Variants in DCP1B observed in about 807,000 individuals in gnomAD.
The protein encoded by DCP1B is decapping mRNA 1B, also known as mRNA-decapping enzyme 1B.
DCP1B carries 47 observed loss-of-function variants against 60.5 expected under a neutral mutation model. The ratio of observed to expected loss-of-function variants is 0.78; its 90% CI spans 0.61 to 0.99. The LOEUF is 0.99. Ranked by LOEUF, DCP1B falls within the 50% of genes least tolerant of loss-of-function variation. DCP1B has a pLI of 0.00. For synonymous variants in DCP1B, 267 were observed against 280.3 expected (o/e 0.95, Z 0.47); for missense variants, 725 against 756.8 (o/e 0.96, Z 0.49).
chr12:1,995,143 T>C (rs961174969), intron 2 of DCP1B, among the ~76,000 whole-genome samples: 1 of 152,180 alleles, frequency 6.6e-6, no homozygotes, highest in Non-Finnish European at 1.5e-5. Context: ...AAGAAATCCT[T>C]GAAAATACAA....
At position 1,992,182 on chromosome 12, in the gene DCP1B, T is replaced by C. The variant is rs538732477; in HGVS notation, c.319+1082A>G. The C allele has an allele frequency of 3.5e-5, 6 of 172,068 alleles. No individual in the cohort carries two copies. In the East Asian group the frequency reaches 6.8e-4, roughly 20 times the overall value. The allele number at this position is 172,068 out of a possible 1,614,324, so 10.7% of individuals were successfully genotyped here. On this transcript the variant is annotated intron_variant, in intron 3 of 8. Transcript: ENST00000280665. ...ATATTTTTCTATATTGCAAAACTTT[T>C]CATTTCACAGGACCTGCCATTAGTA...
intron 7 of DCP1B, chr12:1,950,306 CA>C: frequency 1.4e-6 from 1 of 702,314 alleles, no homozygotes; most frequent in Non-Finnish European, 2.6e-6. Context: ...GAGGTGGAGT[CA>C]AGCATTCTGA....
At chr12:1,960,137 C>G (rs968480876) in intron 5 of DCP1B, among the ~76,000 whole-genome samples, 13 of 152,104 alleles carry the variant, frequency 8.5e-5, no homozygotes, top group African/African-American at 3.1e-4. Context: ...TGGAATAAAC[C>G]TAAGTGTTCA....
intron 2 of DCP1B, among the ~76,000 whole-genome samples, chr12:1,995,330 G>A (rs975077336): frequency 1.3e-5 from 2 of 152,194 alleles, no homozygotes; most frequent in African/African-American, 4.8e-5. Context: ...GAGTGAGAAC[G>A]CACCCTGTGT....
chr12:1,990,941 A>C (rs2039217949), intron 3 of DCP1B, among the ~76,000 whole-genome samples: 1 of 152,010 alleles, frequency 6.6e-6, no homozygotes, highest in Non-Finnish European at 1.5e-5. Flanking sequence ...CATAAAACCA[A>C]ATGACTCTGG....
chr12:1,996,649 AAAAAAACAAC>A lies in DCP1B; in HGVS notation c.191+1276_191+1285del, dbSNP rs1401227639. Among the ~76,000 whole-genome samples, 178 of 46,864 alleles carry A rather than the reference AAAAAAACAAC, an allele frequency of 3.8e-3. 14 individuals are homozygous for A. The highest frequency in any genetic ancestry group is 0.027 in the Middle Eastern group (3 of 112). 30.7% of individuals were successfully genotyped at this position (46,864 alleles called of 152,430 possible). The stretch of plus-strand genomic sequence containing the variant: ...AAAAAAAAAAAAAAAAAAAAAAAAA[AAAAAAACAAC>A]AAACTCTTCTAATGTTTTAAAGAAG... On this transcript the variant is annotated intron_variant, in intron 2 of 8. Transcript: ENST00000280665.
intron 3 of DCP1B, among the ~76,000 whole-genome samples, chr12:1,980,233 GAATA>G (rs2035717302): frequency 1.3e-5 from 2 of 152,166 alleles, no homozygotes; most frequent in Non-Finnish European, 1.5e-5. Flanking sequence ...ATCGATAGGA[GAATA>G]AATAGACTGC....
intron 5 of DCP1B, among the ~76,000 whole-genome samples, chr12:1,963,540 T>C (rs1592789682): frequency 6.6e-6 from 1 of 152,256 alleles, no homozygotes; most frequent in South Asian, 2.1e-4. Context: ...TTTGGTTTGC[T>C]TGTTCTCTTT....
chr12:1,942,910 T>C (rs916252832), downstream of DCP1B, among the ~76,000 whole-genome samples: 1 of 151,988 alleles, frequency 6.6e-6, no homozygotes, highest in Non-Finnish European at 1.5e-5. Flanking sequence ...GGCAAACAAA[T>C]TCAAAAGCTA....
intron 2 of DCP1B, among the ~76,000 whole-genome samples, chr12:1,996,634 A>AC (rs1565869518): frequency 5.7e-5 from 7 of 122,506 alleles, no homozygotes; most frequent in African/African-American, 2.1e-4. Flanking sequence ...AAAAAAAAAA[A>AC]AAAAAAAAAA....
intron 3 of DCP1B, among the ~76,000 whole-genome samples, chr12:1,973,661 T>C (rs1175178864): frequency 2.0e-5 from 3 of 152,202 alleles, no homozygotes; most frequent in Non-Finnish European, 4.4e-5. Flanking sequence ...GGAATCTTTT[T>C]CATCGTATAC....
In DCP1B at chr12:2,004,185, G is replaced by A. The variant is rs991244781; in HGVS notation, c.150+97C>T. 22 of 1,528,536 alleles carry A rather than the reference G, an allele frequency of 1.4e-5. 1 individual carries two copies. Among genetic ancestry groups the A allele is most frequent in the African/African-American group, 1.4e-4 (10 of 71,690 alleles). The allele number at this position is 1,528,536 out of a possible 1,614,324, so 94.7% of individuals were successfully genotyped here. A position where few individuals can be genotyped will look rare whatever the true frequency, so the allele number is the denominator to read the frequency against. Reference sequence around the variant, plus strand: ...ATCCACCCACTTCCAGGGCGTCAACGTCTCCTCCCCCTCACCGGGTCCTCA... The same window carrying A: ...ATCCACCCACTTCCAGGGCGTCAACATCTCCTCCCCCTCACCGGGTCCTCA... On this transcript the variant is annotated intron_variant, in intron 1 of 8. Transcript: ENST00000280665.
intron 5 of DCP1B, among the ~76,000 whole-genome samples, chr12:1,960,785 C>T (rs1049198007): frequency 2.1e-4 from 32 of 152,140 alleles, no homozygotes; most frequent in Non-Finnish European, 4.6e-4. Flanking sequence ...ATTCTTTTAT[C>T]ACATCACCAA....
At position 1,962,588 on chromosome 12, in the gene DCP1B, T is replaced by C. The variant is rs1398205232; in HGVS notation, c.522+2970A>G. Among the ~76,000 whole-genome samples, 1 of 152,160 alleles carries C rather than the reference T, an allele frequency of 6.6e-6. No homozygotes were observed. The highest frequency in any genetic ancestry group is 1.9e-4 in the East Asian group (1 of 5,196). ...AATCTTTAGTGTGCATAATATAGTATAATTAATAAAGTATAACTAATTATT... is the reference window on the plus strand; with the variant it reads ...AATCTTTAGTGTGCATAATATAGTACAATTAATAAAGTATAACTAATTATT... On this transcript the variant is annotated intron_variant, in intron 5 of 8. Transcript: ENST00000280665. The surrounding 1 kb of genome is among the most constrained non-coding windows in gnomAD (Gnocchi z 4.4).
rs2030755538 is a variant in DCP1B at position 1,953,222 on chromosome 12, A to G, written c.718T>C (p.Cys240Arg). The G allele has an allele frequency of 6.2e-7, 1 of 1,607,056 alleles. No homozygotes were observed. Among genetic ancestry groups the G allele is most frequent in the Non-Finnish European group, 8.5e-7 (1 of 1,179,996 alleles). The change falls in exon 7 of 9, where the codon TGT becomes CGT. Residue 240 changes from cysteine to arginine, a missense_variant. Transcript: ENST00000280665. Reference protein sequence around the residue: ...ALFGKQDKATCQETVEPPQTL... With the variant: ...ALFGKQDKATRQETVEPPQTL... ...TGCGGAGGCTCCACAGTTTCCTGAC[A>G]TGTAGCTTTGTCCTGCTTCCCAAAC...
intron 3 of DCP1B, among the ~76,000 whole-genome samples, chr12:1,973,908 T>A (rs1364113719): frequency 6.6e-6 from 1 of 152,202 alleles, no homozygotes; most frequent in African/African-American, 2.4e-5. Context: ...ATCTTTTCCT[T>A]CTCTCTACTC....
At chr12:1,990,561 GA>G in intron 3 of DCP1B, among the ~76,000 whole-genome samples, 1 of 151,116 alleles carries the variant, frequency 6.6e-6, no homozygotes, top group Non-Finnish European at 1.5e-5. Flanking sequence ...CTCTCCTAAT[GA>G]ATCTAAAAAA....
chr12:1,969,500 C>T (rs1024405191), intron 3 of DCP1B, among the ~76,000 whole-genome samples: 10 of 150,294 alleles, frequency 6.7e-5, no homozygotes, highest in African/African-American at 2.5e-4. Context: ...CCATTTTACT[C>T]TCTTAGATGG....
chr12:2,002,288 C>A (rs760243742), intron 1 of DCP1B, among the ~76,000 whole-genome samples: 5 of 152,188 alleles, frequency 3.3e-5, no homozygotes, highest in Non-Finnish European at 5.9e-5. Context: ...TCAAACGGCT[C>A]CCATCCACAG....
Sources: allele counts gnomAD v4.1 joint callset (sites outside exome capture counted in the v4.1 genomes callset), GRCh38; gene constraint gnomAD v4.1.1; non-coding constraint Gnocchi (gnomAD v3.1); transcripts MANE v1.5; gene names NCBI Gene and HGNC (gene_info 2026-07-23, HGNC 2026-07-21).